LY86: variants seen among roughly 807,000 people sequenced by gnomAD.
LY86 encodes the protein MD-1, RP105-associated.
Under a neutral mutation model 17.3 loss-of-function variants are expected in LY86, and 20 were observed. That is an observed-to-expected ratio of 1.15 (90% CI 0.81 to 1.68). The LOEUF (loss-of-function observed/expected upper bound fraction) is 1.68. LY86 is among the 40% of genes most tolerant of loss of function. LY86 has a pLI of 0.00. For synonymous variants in LY86, 74 were observed against 70.6 expected (o/e 1.05, Z -0.24); for missense variants, 200 against 191.9 (o/e 1.04, Z -0.25).
At chr6:6,604,728 C>T (rs920116923) in intron 1 of LY86, among the ~76,000 whole-genome samples, 2 of 152,084 alleles carry the variant, frequency 1.3e-5, no homozygotes, top group Admixed American at 6.5e-5. Flanking sequence ...TTGGGGGTCT[C>T]TCCACCAGGC....
At chr6:6,605,925 A>C (rs1290798008) in intron 1 of LY86, among the ~76,000 whole-genome samples, 1 of 152,120 alleles carries the variant, frequency 6.6e-6, no homozygotes, top group Non-Finnish European at 1.5e-5. Context: ...GAAGCTGCAG[A>C]CCTTCACAGT....
chr6:6,589,849 T>C (rs1176442954), intron 1 of LY86, among the ~76,000 whole-genome samples: 3 of 152,056 alleles, frequency 2.0e-5, no homozygotes, highest in African/African-American at 7.2e-5. Flanking sequence ...CAGCAGGGCA[T>C]GATGGCTCAC....
chr6:6,589,999 T>C (rs1760474653), intron 1 of LY86, among the ~76,000 whole-genome samples: 1 of 151,642 alleles, frequency 6.6e-6, no homozygotes, highest in African/African-American at 2.4e-5. Flanking sequence ...CACGCGCCTG[T>C]AATCCCAGCT....
chr6:6,594,348 A>T (rs1476431854), intron 1 of LY86, among the ~76,000 whole-genome samples: 1 of 152,242 alleles, frequency 6.6e-6, no homozygotes, highest in Non-Finnish European at 1.5e-5. Context: ...AAGAAGAAGA[A>T]TATTCATGAC....
chr6:6,588,999 T>G, intron 1 of LY86, 129 bp downstream of exon 1: 1 of 1,253,258 alleles, frequency 8.0e-7, no homozygotes, highest in Non-Finnish European at 1.1e-6. Context: ...TTTCTCCACC[T>G]GCAGCAGGTC....
intron 1 of LY86, among the ~76,000 whole-genome samples, chr6:6,624,693 C>A (rs530551505): frequency 6.6e-6 from 1 of 152,150 alleles, no homozygotes; most frequent in South Asian, 2.1e-4. Flanking sequence ...CTAGCAAGAC[C>A]CTGTTTATTC....
chr6:6,632,588 T>C (rs1449834775), intron 3 of LY86, among the ~76,000 whole-genome samples: 6 of 152,112 alleles, frequency 3.9e-5, no homozygotes, highest in African/African-American at 1.2e-4. Context: ...TGGTTCACCA[T>C]AGAGCCAGAG....
At chr6:6,623,268 C>T (rs908584311) in intron 1 of LY86, among the ~76,000 whole-genome samples, 2 of 152,104 alleles carry the variant, frequency 1.3e-5, no homozygotes, top group Non-Finnish European at 2.9e-5. Flanking sequence ...CAGAAGGACC[C>T]TGTGGAGCTG....
chr6:6,622,269 C>A (rs191207916), intron 1 of LY86, among the ~76,000 whole-genome samples: 1 of 152,134 alleles, frequency 6.6e-6, no homozygotes, highest in African/African-American at 2.4e-5. Context: ...TCTATCTATA[C>A]CTTTAAAATA....
intron 1 of LY86, chr6:6,591,268 T>C (rs1760516621): frequency 6.5e-6 from 1 of 153,792 alleles, no homozygotes; most frequent in Non-Finnish European, 1.5e-5. Context: ...GGCTCTTTCC[T>C]CTGTAGGTGA....
chr6:6,594,537 A>T (rs1760640436), intron 1 of LY86, among the ~76,000 whole-genome samples: 1 of 152,190 alleles, frequency 6.6e-6, no homozygotes, highest in African/African-American at 2.4e-5. Flanking sequence ...ACTTTCTAGA[A>T]AAGGCTTGCC....
intron 1 of LY86, among the ~76,000 whole-genome samples, chr6:6,590,929 CACACACACAAAAATTAAAA>C (rs1242366656): frequency 6.6e-6 from 1 of 151,848 alleles, no homozygotes; most frequent in Non-Finnish European, 1.5e-5. Context: ...TTGAAGTGCA[CACACACACAAAAATTAAAA>C]ATAAGTAAAA....
rs76813773 is a variant in LY86, at chr6:6,620,149, C to T, written c.137-4777C>T. Among the ~76,000 whole-genome samples the T allele has an allele frequency of 7.4e-3, 1,133 of 152,240 alleles. 10 individuals carry two copies. The highest frequency in any genetic ancestry group is 0.025 in the African/African-American group (1,055 of 41,528). ...AGGCACATACATGCGCTTGTACACACACACACACGAATGATTGTTAAACTG... is the reference window on the plus strand; with the variant it reads ...AGGCACATACATGCGCTTGTACACATACACACACGAATGATTGTTAAACTG... On this transcript the variant is annotated intron_variant, in intron 1 of 4. Transcript: ENST00000230568.
intron 1 of LY86, among the ~76,000 whole-genome samples, chr6:6,610,329 A>C (rs1297565722): frequency 6.6e-6 from 1 of 152,150 alleles, no homozygotes; most frequent in Non-Finnish European, 1.5e-5. Context: ...CAAGATAAAA[A>C]GATTTTATTT....
At chr6:6,645,979 G>T (rs77432993) in intron 3 of LY86, among the ~76,000 whole-genome samples, 5 of 152,094 alleles carry the variant, frequency 3.3e-5, no homozygotes, top group Non-Finnish European at 5.9e-5. Context: ...TGCTCTGATT[G>T]TCTTGGCTTG....
intron 3 of LY86, among the ~76,000 whole-genome samples, chr6:6,647,139 C>T (rs1762118169): frequency 6.6e-6 from 1 of 152,228 alleles, no homozygotes; most frequent in Non-Finnish European, 1.5e-5. Context: ...ACAAACGTAT[C>T]TACACCTGAA....
intron 1 of LY86, among the ~76,000 whole-genome samples, chr6:6,589,548 A>G (rs1485182827): frequency 1.3e-5 from 2 of 152,188 alleles, no homozygotes; most frequent in African/African-American, 4.8e-5. Flanking sequence ...GTCAGAACCA[A>G]CCAATCGGGC....
At chr6:6,591,145 CCCAGACT>C (rs1178887856) in intron 1 of LY86, 1 of 153,778 alleles carries the variant, frequency 6.5e-6, no homozygotes, top group Non-Finnish European at 1.5e-5. Flanking sequence ...TGATCTGTCT[CCCAGACT>C]CACCCTCTGC....
chr6:6,592,708 T>C (rs4960217), intron 1 of LY86, among the ~76,000 whole-genome samples: 52,396 of 147,982 alleles, frequency 0.35, 9,668 homozygotes, highest in Non-Finnish European at 0.42. Context: ...AGATCTCTTT[T>C]CACCACATGA....
Sources: gnomAD v4.1 joint callset for allele counts (sites outside exome capture counted in the v4.1 genomes callset) on GRCh38, gnomAD v4.1.1 for gene constraint, MANE v1.5 for transcripts, NCBI Gene and HGNC (gene_info 2026-07-23, HGNC 2026-07-21) for gene names.